Variants in JPH3 observed in about 807,000 individuals in gnomAD.
JPH3 encodes the protein junctophilin-3.
A neutral mutation model predicts 59.6 loss-of-function variants in JPH3; 11 were observed. The ratio of observed to expected loss-of-function variants is 0.18; its 90% CI spans 0.12 to 0.31. The LOEUF (loss-of-function observed/expected upper bound fraction) is 0.31. Ranked by LOEUF, JPH3 falls within the 10% of genes least tolerant of loss-of-function variation. The pLI is 1.00. For missense variants in JPH3, 1,202 were observed against 1,105.7 expected (o/e 1.09, Z -1.24); for synonymous variants, 673 against 483.6 (o/e 1.39, Z -5.14).
intron 4 of JPH3, chr16:87,696,214 C>G: frequency 2.3e-6 from 1 of 439,858 alleles, no homozygotes; most frequent in South Asian, 1.8e-5. Flanking sequence ...GCAGGAGAAG[C>G]CTGCTGACTG....
Position 87,679,858 on chromosome 16 carries a change from C to T in JPH3, c.1161-4284C>T, listed in dbSNP as rs531405428. 2.6e-5 allele frequency among the ~76,000 whole-genome samples: 4 copies of T among 152,368 alleles called. No homozygotes were observed. The South Asian group carries it at 8.3e-4, about 32-fold the overall frequency. On this transcript the variant is annotated intron_variant, in intron 2 of 4. Transcript: ENST00000284262. ...TGGTCCCTCCCTGCCCATGGCCCTT[C>T]AGAGGCCCCCAGCTGGTCTTGGGAG...
chr16:87,627,032 T>C (rs1033470064), intron 1 of JPH3, among the ~76,000 whole-genome samples: 3 of 152,204 alleles, frequency 2.0e-5, no homozygotes, highest in African/African-American at 7.2e-5. Flanking sequence ...GATTCTGAAA[T>C]AAGAATCACC....
At chr16:87,668,240 C>T (rs1442704722) in intron 2 of JPH3, among the ~76,000 whole-genome samples, 1 of 152,188 alleles carries the variant, frequency 6.6e-6, no homozygotes, top group African/African-American at 2.4e-5. Flanking sequence ...GATCTGGAGG[C>T]CGGAGCCGGC....
chr16:87,666,108 G>A (rs79244498), intron 2 of JPH3, among the ~76,000 whole-genome samples: 1 of 128,026 alleles, frequency 7.8e-6, no homozygotes, highest in Admixed American at 8.1e-5. Flanking sequence ...TTTTTTTTTT[G>A]AGACAGAGTT....
chr16:87,626,755 G>C (rs1333328521), intron 1 of JPH3, among the ~76,000 whole-genome samples: 1 of 152,248 alleles, frequency 6.6e-6, no homozygotes. Flanking sequence ...GGCGGGAGCG[G>C]GTGCTGGCTG....
intron 1 of JPH3, chr16:87,604,758 A>G (rs963928301): frequency 1.1e-5 from 9 of 812,924 alleles, no homozygotes; most frequent in African/African-American, 1.8e-5. Context: ...GGCTTATGCA[A>G]CTGAAAAGCA....
intron 2 of JPH3, among the ~76,000 whole-genome samples, chr16:87,666,852 C>G (rs74039445): frequency 2.0e-5 from 3 of 152,330 alleles, no homozygotes; most frequent in African/African-American, 7.2e-5. Context: ...CCACAGAGGC[C>G]TAGCAGCCTG....
At chr16:87,604,739 T>C (rs1000154264) in intron 1 of JPH3, 5 of 973,404 alleles carry the variant, frequency 5.1e-6, no homozygotes, top group Non-Finnish European at 5.2e-6. Context: ...GGAGAGTAAT[T>C]ATTATTTTGG....
intron 2 of JPH3, among the ~76,000 whole-genome samples, chr16:87,667,675 A>C (rs1212123367): frequency 6.6e-6 from 1 of 152,178 alleles, no homozygotes; most frequent in African/African-American, 2.4e-5. Context: ...TTGAAGATGA[A>C]GGGGTTAGAT....
At chr16:87,652,601 G>C (rs2090367081) in intron 2 of JPH3, among the ~76,000 whole-genome samples, 1 of 152,236 alleles carries the variant, frequency 6.6e-6, no homozygotes, top group African/African-American at 2.4e-5. Flanking sequence ...GTAGCGTGTG[G>C]GGAGGGTGCA....
intron 1 of JPH3, among the ~76,000 whole-genome samples, chr16:87,633,385 G>A (rs1346259400): frequency 6.7e-6 from 1 of 150,272 alleles, no homozygotes; most frequent in Non-Finnish European, 1.5e-5. Flanking sequence ...GGGGGTGGGG[G>A]TGGGTAGGAC....
chr16:87,675,835 T>G (rs188355758), intron 2 of JPH3, among the ~76,000 whole-genome samples: 3 of 152,200 alleles, frequency 2.0e-5, no homozygotes, highest in Non-Finnish European at 4.4e-5. Flanking sequence ...TTCCTCACCT[T>G]TCATACACCC....
At position 87,638,540 on chromosome 16, in the gene JPH3, C is replaced by T. The variant is rs72810152; in HGVS notation, c.383-5718C>T. Among the ~76,000 whole-genome samples the T allele has an allele frequency of 4.2e-3, 629 of 149,384 alleles. 6 individuals are homozygous for T. The highest frequency in any genetic ancestry group is 5.3e-3 in the Non-Finnish European group (356 of 67,570). Reference sequence around the variant, plus strand: ...TGCCGGAACAGTGAACATGAGGGCTCCTGGCTCCCCTCTGAGGACAAGGGT... The same window carrying T: ...TGCCGGAACAGTGAACATGAGGGCTTCTGGCTCCCCTCTGAGGACAAGGGT... On this transcript the variant is annotated intron_variant, in intron 1 of 4. Transcript: ENST00000284262.
intron 2 of JPH3, among the ~76,000 whole-genome samples, chr16:87,660,376 C>A (rs965677982): frequency 6.6e-6 from 1 of 152,086 alleles, no homozygotes; most frequent in Non-Finnish European, 1.5e-5. Flanking sequence ...GGATTGAGTC[C>A]CAGCCCTGCT....
chr16:87,683,074 C>T (rs1046456486), intron 2 of JPH3, among the ~76,000 whole-genome samples: 8 of 152,302 alleles, frequency 5.3e-5, no homozygotes, highest in South Asian at 2.1e-4. Flanking sequence ...TGGGTGTCGG[C>T]GTCATCTTTC....
chr16:87,647,764 G>A (rs1293685856), intron 2 of JPH3, among the ~76,000 whole-genome samples: 1 of 152,212 alleles, frequency 6.6e-6, no homozygotes, highest in African/African-American at 2.4e-5. Context: ...CACCTGTGGA[G>A]CCAGGGTGTA....
At chr16:87,634,527 CT>C (rs1004833196) in intron 1 of JPH3, among the ~76,000 whole-genome samples, 2 of 152,246 alleles carry the variant, frequency 1.3e-5, no homozygotes. Flanking sequence ...GCGTCCCTGC[CT>C]CCAGGTGGGA....
At chr16:87,649,515 C>G (rs1016480803) in intron 2 of JPH3, among the ~76,000 whole-genome samples, 1 of 152,278 alleles carries the variant, frequency 6.6e-6, no homozygotes, top group African/African-American at 2.4e-5. Context: ...TCACTAGAGG[C>G]CCTGGGTTGG....
chr16:87,620,501 AAGAAG>A, intron 1 of JPH3, among the ~76,000 whole-genome samples: 1 of 122,276 alleles, frequency 8.2e-6, no homozygotes, highest in South Asian at 3.2e-4. Flanking sequence ...GGGGGAGGGG[AAGAAG>A]GAGAAAAGGG....
Sources: gnomAD v4.1 joint callset for allele counts (sites outside exome capture counted in the v4.1 genomes callset) on GRCh38, gnomAD v4.1.1 for gene constraint, MANE v1.5 for transcripts, NCBI Gene and HGNC (gene_info 2026-07-23, HGNC 2026-07-21) for gene names.